Variants in CPA3 observed in about 807,000 individuals in gnomAD.
CPA3 encodes carboxypeptidase A3.
In CPA3, 52 loss-of-function variants were observed where a neutral mutation model predicts 55.8. The ratio of observed to expected loss-of-function variants is 0.93; its 90% CI spans 0.75 to 1.17. The LOEUF (loss-of-function observed/expected upper bound fraction) is 1.17. Among genes scored for constraint, CPA3 ranks in the 50% most tolerant of loss-of-function variants. The pLI, the probability that CPA3 is intolerant of heterozygous loss-of-function variation, is 0.00. For missense variants in CPA3, 547 were observed against 509.1 expected, an observed-to-expected ratio of 1.07 and a Z score of -0.72; for synonymous variants, 179 against 171.2, an observed-to-expected ratio of 1.05 and a Z score of -0.36.
chr3:148,873,025 TAC>T (rs10536988), intron 3 of CPA3, among the ~76,000 whole-genome samples: 34,673 of 103,176 alleles, frequency 0.34, 4,013 homozygotes, highest in Admixed American at 0.39. Context: ...CTTCTATGAA[TAC>T]ACACACACAC....
intron 10 of CPA3, 35 bp downstream of exon 10, chr3:148,886,212 C>A: frequency 7.0e-7 from 1 of 1,425,336 alleles, no homozygotes; most frequent in Non-Finnish European, 9.7e-7. Context: ...AGCCCTTTTC[C>A]CTAATTATTT....
intron 3 of CPA3, among the ~76,000 whole-genome samples, chr3:148,877,048 G>A (rs751455033): frequency 6.6e-6 from 1 of 152,180 alleles, no homozygotes; most frequent in Non-Finnish European, 1.5e-5. Flanking sequence ...TTACACATAT[G>A]GATATCTGAA....
chr3:148,882,660 A>G (rs984358752), intron 8 of CPA3, 65 bp downstream of exon 8: 20 of 1,226,516 alleles, frequency 1.6e-5, no homozygotes, highest in Non-Finnish European at 2.4e-5. Context: ...AAACTTAACT[A>G]AAACACCTAC....
At chr3:148,888,171 A>C (rs1714582180) in intron 10 of CPA3, among the ~76,000 whole-genome samples, 1 of 152,268 alleles carries the variant, frequency 6.6e-6, no homozygotes, top group Non-Finnish European at 1.5e-5. Flanking sequence ...TTCGTATTCC[A>C]AGCTGAAAGT....
At chr3:148,885,947 A>C (rs1019836722) in intron 9 of CPA3, 146 bp from the exon 10 acceptor site, 1 of 633,874 alleles carries the variant, frequency 1.6e-6, no homozygotes, top group Non-Finnish European at 2.8e-6. Context: ...TAGGGTTGTT[A>C]TGAGTCTTGA....
chr3:148,881,935 T>C (rs1248976044), intron 7 of CPA3, among the ~76,000 whole-genome samples: 8 of 152,214 alleles, frequency 5.3e-5, no homozygotes, highest in Admixed American at 5.2e-4. Context: ...AGCCAATTAA[T>C]TGATTTTAAA....
At chr3:148,882,472 T>C (rs1714398011) in intron 7 of CPA3, 33 bp from the exon 8 acceptor site, 6 of 1,571,192 alleles carry the variant, frequency 3.8e-6, no homozygotes, top group Middle Eastern at 1.7e-4. Flanking sequence ...CAAACTGATC[T>C]TGTGTAAACA....
intron 10 of CPA3, among the ~76,000 whole-genome samples, chr3:148,893,180 G>T (rs1714723432): frequency 6.6e-6 from 1 of 151,526 alleles, no homozygotes; most frequent in Non-Finnish European, 1.5e-5. Context: ...ATAATCCACA[G>T]ATGCCAACAC....
chr3:148,870,765 A>G (rs1217876963), intron 3 of CPA3, among the ~76,000 whole-genome samples: 1 of 152,214 alleles, frequency 6.6e-6, no homozygotes, highest in East Asian at 1.9e-4. Flanking sequence ...AAAATTAGAC[A>G]CTTCAAAAAT....
chr3:148,881,654 T>C (rs35793858), intron 7 of CPA3, 22 bp downstream of exon 7: 58,703 of 1,488,836 alleles, frequency 0.039, 1,643 homozygotes, highest in East Asian at 0.14. Context: ...TACTCTCTTG[T>C]TTGCATTTAG....
chr3:148,871,517 A>G (rs1714067237), intron 3 of CPA3, among the ~76,000 whole-genome samples: 1 of 152,142 alleles, frequency 6.6e-6, no homozygotes, highest in South Asian at 2.1e-4. Context: ...CATCCTTCCA[A>G]TTTATCAAAT....
intron 10 of CPA3, among the ~76,000 whole-genome samples, chr3:148,887,691 A>C (rs1224382530): frequency 6.6e-6 from 1 of 152,186 alleles, no homozygotes; most frequent in East Asian, 1.9e-4. Flanking sequence ...TTATTTAGTA[A>C]AAACTACCTT....
In CPA3 at chr3:148,879,825, C is replaced by T. The variant is rs12489516; in HGVS notation, c.512C>T (p.Thr171Met). 1,540,737 of 1,611,652 alleles carry T rather than the reference C, an allele frequency of 0.96. 736,668 individuals carry two copies. Among genetic ancestry groups the T allele is most frequent in the African/African-American group, 0.99 (74,368 of 75,002 alleles). Residue 171 changes from threonine (T) to methionine (M), a missense_variant, in exon 6 of 11, where the codon ACG (threonine) becomes ATG (methionine). Thr to Met is a moderately conservative substitution (Grantham distance 81). Transcript: ENST00000296046. ...EKNERRKAIF[T>M]DCGIHAREWV... Reference sequence around the variant, plus strand: ...AATGAAAGAAGAAAGGCTATTTTTACGGATTGTGGCATTCACGCACGAGAA... The same window carrying T: ...AATGAAAGAAGAAAGGCTATTTTTATGGATTGTGGCATTCACGCACGAGAA...
Position 148,882,616 on chromosome 3 carries a change from C to T in CPA3, c.778+21C>T, listed in dbSNP as rs185926770. 19 of 1,595,362 alleles carry T rather than the reference C, an allele frequency of 1.2e-5. No homozygotes were observed. In the African/African-American group the frequency reaches 1.7e-4, roughly 15 times the overall value. On this transcript the variant is annotated intron_variant, in intron 8 of 10. Coordinates refer to ENST00000296046, the MANE Select transcript of CPA3 (RefSeq NM_001870.4). ...GAACTGTGAGTAGCAGACTTGCTATCAAGGAAAATTGCTATAAGGAATATT... is the reference window on the plus strand; with the variant it reads ...GAACTGTGAGTAGCAGACTTGCTATTAAGGAAAATTGCTATAAGGAATATT...
chr3:148,874,039 TAGTAGAAGG>T (rs1714142946), intron 3 of CPA3, among the ~76,000 whole-genome samples: 1 of 152,220 alleles, frequency 6.6e-6, no homozygotes, highest in South Asian at 2.1e-4. Context: ...GGCTGCTGGT[TAGTAGAAGG>T]GCTTGTGAAA....
chr3:148,872,445 A>G (rs546230792), intron 3 of CPA3, among the ~76,000 whole-genome samples: 2 of 152,352 alleles, frequency 1.3e-5, no homozygotes, highest in African/African-American at 4.8e-5. Flanking sequence ...ACAACTATTA[A>G]TATAATAAGA....
In CPA3 at chr3:148,865,476, G is replaced by C; in HGVS notation, c.72G>C (p.Glu24Asp). ...TTTTTCATTTGCCTCCACAAAGGGA[G>C]AAGGTGTTCCGCGTGAAGCCCCAGG... is the stretch of plus-strand genomic sequence containing the variant. ...LAIAPVRFDR[E>D]KVFRVKPQDE... The change falls in exon 2 of 11, where the codon GAG becomes GAC. Residue 24 changes from glutamate to aspartate, a missense_variant. By Grantham distance (45) the Glu-to-Asp change is conservative. Transcript: ENST00000296046. The C allele has an allele frequency of 6.2e-7, 1 of 1,613,764 alleles. No individual in the cohort carries two copies.
At chr3:148,872,294 A>G (rs1051985670) in intron 3 of CPA3, among the ~76,000 whole-genome samples, 5 of 152,218 alleles carry the variant, frequency 3.3e-5, no homozygotes, top group Non-Finnish European at 5.9e-5. Context: ...GGCAGACACT[A>G]TACTTGGACT....
chr3:148,893,937 G>T (rs1229011093), intron 10 of CPA3, among the ~76,000 whole-genome samples: 1 of 152,146 alleles, frequency 6.6e-6, no homozygotes, highest in African/African-American at 2.4e-5. Flanking sequence ...AAAATATTCA[G>T]AAATGAAGGA....
Sources: allele counts gnomAD v4.1 joint callset (sites outside exome capture counted in the v4.1 genomes callset), GRCh38; gene constraint gnomAD v4.1.1; transcripts MANE v1.5; gene names NCBI Gene and HGNC (gene_info 2026-07-23, HGNC 2026-07-21).